Variants in MGAM2 observed in about 807,000 individuals in gnomAD.
The protein encoded by MGAM2 is probable maltase-glucoamylase 2.
MGAM2 carries 98 observed loss-of-function variants against 96.1 expected under a neutral mutation model. That is an observed-to-expected ratio of 1.02 (90% CI 0.87 to 1.21). The LOEUF is 1.21. Ranked by LOEUF, MGAM2 falls within the 50% of genes most tolerant of loss-of-function variation. The pLI is 0.00. For synonymous variants in MGAM2, 749 were observed against 414.8 expected, an observed-to-expected ratio of 1.81 and a Z score of -9.79; for missense variants, 2,055 against 1,182.4, an observed-to-expected ratio of 1.74 and a Z score of -10.82.
intron 23 of MGAM2, among the ~76,000 whole-genome samples, chr7:142,162,386 A>C (rs1795916241): frequency 6.6e-6 from 1 of 152,038 alleles, no homozygotes; most frequent in Non-Finnish European, 1.5e-5. Flanking sequence ...GTAGCACGTA[A>C]AACTTGGCCT....
Position 142,171,351 on chromosome 7 carries a change from T to C in MGAM2, c.3262T>C (p.Tyr1088His). The C allele has an allele frequency of 1.4e-6, 1 of 703,144 alleles. No individual in the cohort carries two copies. The allele number at this position is 703,144 out of a possible 1,614,324, so 43.6% of individuals were successfully genotyped here. Residue 1088 changes from tyrosine to histidine, a missense_variant, in exon 28 of 48, where the codon TAT (tyrosine) becomes CAT (histidine). Coordinates refer to ENST00000477922, the MANE Select transcript of MGAM2 (RefSeq NM_001293626.2). Reference protein sequence around the residue: ...ISTRLPSQYIYGFGETEHTTF... With the variant: ...ISTRLPSQYIHGFGETEHTTF... ...TACGCGTCTGCCGTCCCAGTACATCTATGGCTTTGGGGAAACTGAGCACAC... is the reference window on the plus strand; with the variant it reads ...TACGCGTCTGCCGTCCCAGTACATCCATGGCTTTGGGGAAACTGAGCACAC...
At chr7:142,122,829 T>TTTGTTG (rs373547630) in intron 3 of MGAM2, among the ~76,000 whole-genome samples, 2 of 152,018 alleles carry the variant, frequency 1.3e-5, no homozygotes, top group African/African-American at 4.8e-5. Flanking sequence ...TAAATATGTT[T>TTTGTTG]TTGTTGTTGT....
chr7:142,152,063 A>C (rs1421431057), intron 15 of MGAM2, among the ~76,000 whole-genome samples: 1 of 152,180 alleles, frequency 6.6e-6, no homozygotes, highest in Non-Finnish European at 1.5e-5. Context: ...AGAGTCTTTC[A>C]GTGATCACAA....
At position 142,196,829 on chromosome 7, in the gene MGAM2, T is replaced by C. The variant is rs1179873086; in HGVS notation, c.4632+13T>C. ...CATCGGGACAAGGGTGAGGCAGTAGTTCGTGCTCCAGGTGTTGTGTACCCT... is the reference window on the plus strand; with the variant it reads ...CATCGGGACAAGGGTGAGGCAGTAGCTCGTGCTCCAGGTGTTGTGTACCCT... On this transcript the variant is annotated intron_variant, in intron 40 of 47. Coordinates refer to ENST00000477922, the MANE Select transcript of MGAM2 (RefSeq NM_001293626.2). The C allele has an allele frequency of 1.3e-6, 1 of 772,544 alleles. No homozygotes were observed. Among genetic ancestry groups the C allele is most frequent in the Admixed American group, 1.7e-5 (1 of 57,900 alleles). The allele number at this position is 772,544 out of a possible 1,614,324, so 47.9% of individuals were successfully genotyped here.
intron 15 of MGAM2, among the ~76,000 whole-genome samples, chr7:142,149,841 T>A (rs1313703936): frequency 6.6e-6 from 1 of 151,134 alleles, no homozygotes; most frequent in Non-Finnish European, 1.5e-5. Context: ...GCGCCCGGCC[T>A]TACTTGGATG....
At chr7:142,118,953 C>T (rs912316732) in intron 2 of MGAM2, among the ~76,000 whole-genome samples, 4 of 151,840 alleles carry the variant, frequency 2.6e-5, no homozygotes, top group African/African-American at 9.7e-5. Context: ...AGATGATACC[C>T]AAAGCACAGC....
Position 142,121,699 on chromosome 7 carries a change from C to T in MGAM2, c.186+1318C>T, listed in dbSNP as rs143683815. 5.3e-4 allele frequency among the ~76,000 whole-genome samples: 79 copies of T among 150,196 alleles called. No homozygotes were observed. The East Asian group carries it at 0.013, about 25-fold the overall frequency. On this transcript the variant is annotated intron_variant, in intron 3 of 47. Coordinates refer to ENST00000477922, the MANE Select transcript of MGAM2 (RefSeq NM_001293626.2). The stretch of plus-strand genomic sequence containing the variant: ...ATTTTTACTTTATATTATGTTTACA[C>T]AGTATATTTATATTCTATTTATTAT...
At chr7:142,156,155 CA>C (rs71522175) in intron 17 of MGAM2, among the ~76,000 whole-genome samples, 85 of 129,508 alleles carry the variant, frequency 6.6e-4, no homozygotes, top group African/African-American at 1.5e-3. Flanking sequence ...CAAAACAAAA[CA>C]AAAAAAAAAA....
chr7:142,203,463 G>A (rs754256115), intron 45 of MGAM2, among the ~76,000 whole-genome samples: 1 of 152,058 alleles, frequency 6.6e-6, no homozygotes. Flanking sequence ...TATCAAACTA[G>A]CAATGTCATT....
chr7:142,189,983 G>A (rs1291501571), intron 37 of MGAM2, among the ~76,000 whole-genome samples: 3 of 152,066 alleles, frequency 2.0e-5, no homozygotes, highest in Non-Finnish European at 4.4e-5. Flanking sequence ...GTTGTAGCAT[G>A]TATCAGTACT....
At chr7:142,121,330 A>G (rs892596935) in intron 3 of MGAM2, among the ~76,000 whole-genome samples, 33 of 152,098 alleles carry the variant, frequency 2.2e-4, no homozygotes, top group African/African-American at 6.8e-4. Context: ...GGCACCTGCC[A>G]CCATGCCCAG....
chr7:142,123,996 G>A (rs1464633790), intron 3 of MGAM2, among the ~76,000 whole-genome samples: 7 of 121,104 alleles, frequency 5.8e-5, no homozygotes, highest in East Asian at 2.2e-4. Flanking sequence ...TTTTTGAGAC[G>A]GAGTCTTGCT....
In MGAM2 at chr7:142,195,500, G is replaced by A. The variant is rs185549801; in HGVS notation, c.4347-654G>A. Among the ~76,000 whole-genome samples, 220 of 148,638 alleles carry A rather than the reference G, an allele frequency of 1.5e-3. 2 individuals are homozygous for A. Among genetic ancestry groups the A allele is most frequent in the Admixed American group, 4.9e-3 (72 of 14,698 alleles). On this transcript the variant is annotated intron_variant, in intron 37 of 47. Transcript: ENST00000477922. ...GCCTCCTGGGTAGCTGGGATTAGAG[G>A]TATGCACACCACACCCGGCTAATTT...
At chr7:142,212,837 A>G (rs953420258) in intron 46 of MGAM2, among the ~76,000 whole-genome samples, 6 of 152,216 alleles carry the variant, frequency 3.9e-5, no homozygotes, top group African/African-American at 9.6e-5. Context: ...AAGCAGATGT[A>G]ATAGACATCT....
Position 142,134,133 on chromosome 7 carries a change from G to A in MGAM2, c.728G>A (p.Arg243Gln), listed in dbSNP as rs755196428. 4 of 752,406 alleles carry A rather than the reference G, an allele frequency of 5.3e-6. No individual in the cohort carries two copies. The highest frequency in any genetic ancestry group is 2.8e-5 in the South Asian group (2 of 72,484). The allele number at this position is 752,406 out of a possible 1,614,324, so 46.6% of individuals were successfully genotyped here. Residue 243 changes from arginine (R) to glutamine (Q), a missense_variant, in exon 7 of 48, where the codon CGG becomes CAG. Physicochemically the swap from Arg to Gln is conservative, Grantham distance 43 (BLOSUM62 1). Transcript: ENST00000477922. ...TGGAAGACTTGGCCCATCTTCACCC[G>A]GGACGCTACCCCCACCGAGGTGAGG... ...MTWKTWPIFT[R>Q]DATPTEGMIN... is the part of the protein sequence containing the mutation.
intron 37 of MGAM2, among the ~76,000 whole-genome samples, chr7:142,194,323 C>A (rs894443809): frequency 6.6e-6 from 1 of 152,190 alleles, no homozygotes; most frequent in Non-Finnish European, 1.5e-5. Flanking sequence ...TGAGCCACTG[C>A]GCCCGGCCCC....
At chr7:142,124,063 C>T (rs1794669791) in intron 3 of MGAM2, among the ~76,000 whole-genome samples, 1 of 149,956 alleles carries the variant, frequency 6.7e-6, no homozygotes, top group Non-Finnish European at 1.5e-5. Flanking sequence ...ACCTCCACCT[C>T]CCAGGTTCAG....
At chr7:142,176,237 G>A (rs1003676420) in intron 32 of MGAM2, among the ~76,000 whole-genome samples, 16 of 152,054 alleles carry the variant, frequency 1.1e-4, no homozygotes, top group African/African-American at 3.9e-4. Context: ...AGGCTCAGAT[G>A]ACATTTCTTC....
intron 46 of MGAM2, among the ~76,000 whole-genome samples, chr7:142,215,051 C>A (rs571915613): frequency 5.9e-5 from 9 of 152,286 alleles, no homozygotes; most frequent in African/African-American, 2.2e-4. Flanking sequence ...AGAACCAACC[C>A]AAATGCCCAT....
Sources: gnomAD v4.1 joint callset for allele counts (sites outside exome capture counted in the v4.1 genomes callset) on GRCh38, gnomAD v4.1.1 for gene constraint, MANE v1.5 for transcripts, NCBI Gene and HGNC (gene_info 2026-07-23, HGNC 2026-07-21) for gene names.